The following ROBO1 variants were observed in gnomAD, a reference collection of about 807,000 sequenced individuals.
ROBO1 encodes roundabout guidance receptor 1, also known as roundabout homolog 1.
In ROBO1, 149 loss-of-function variants were observed where a neutral mutation model predicts 195.9. The observed-to-expected ratio is 0.76, with a 90% CI of 0.67 to 0.87. The LOEUF (loss-of-function observed/expected upper bound fraction) is 0.87. Among genes scored for constraint, ROBO1 ranks in the 40% least tolerant of loss-of-function variants. ROBO1 has a pLI of 0.00. For missense variants in ROBO1, 1,933 were observed against 2,068.3 expected (o/e 0.93, Z 1.27); for synonymous variants, 816 against 733.2 (o/e 1.11, Z -1.82).
At chr3:79,333,911 A>G (rs2034551369) in intron 2 of ROBO1, among the ~76,000 whole-genome samples, 1 of 152,200 alleles carries the variant, frequency 6.6e-6, no homozygotes, top group Non-Finnish European at 1.5e-5. Flanking sequence ...TGCCTAACAC[A>G]TGATAAAATG....
intron 2 of ROBO1, among the ~76,000 whole-genome samples, chr3:79,541,640 G>T (rs577520352): frequency 1.3e-5 from 2 of 152,042 alleles, no homozygotes; most frequent in East Asian, 1.9e-4. Context: ...TCAACTTTCT[G>T]TGGCCCTACC....
At chr3:79,262,773 A>G (rs2082964862) in intron 2 of ROBO1, among the ~76,000 whole-genome samples, 1 of 152,092 alleles carries the variant, frequency 6.6e-6, no homozygotes, top group African/African-American at 2.4e-5. Flanking sequence ...AAAAATAAGT[A>G]TCGACAGAAT....
chr3:78,598,801 A>ATT lies in ROBO1; in HGVS notation c.*110_*111dup, dbSNP rs1702991694. The ATT allele has an allele frequency of 1.5e-6, 1 of 650,026 alleles. No individual in the cohort carries two copies. Among genetic ancestry groups the ATT allele is most frequent in the Admixed American group, 2.7e-5 (1 of 37,360 alleles). The allele number at this position is 650,026 out of a possible 1,614,324, so 40.3% of individuals were successfully genotyped here. A position where few individuals can be genotyped will look rare whatever the true frequency, so the allele number is the denominator to read the frequency against. On this transcript the variant is annotated 3_prime_UTR_variant, in exon 31 of 31. Coordinates refer to ENST00000464233, the MANE Select transcript of ROBO1 (RefSeq NM_002941.4). The stretch of plus-strand genomic sequence containing the variant: ...CCCAATAAGAGGAATAAAAACGACA[A>ATT]TTTGTACACTCTGATTGCACTGAAC...
At position 79,367,790 on chromosome 3, in the gene ROBO1, C is replaced by T. The variant is rs192168326; in HGVS notation, c.88+222034G>A. On this transcript the variant is annotated intron_variant, in intron 2 of 30. Coordinates refer to ENST00000464233, the MANE Select transcript of ROBO1 (RefSeq NM_002941.4). ...TCTCACAATTTGTAATTAAGTATTA[C>T]GAGTTTCGTAGCTTAATATCATTTT... Among the ~76,000 whole-genome samples the T allele has an allele frequency of 6.6e-5, 10 of 152,204 alleles. No homozygotes were observed. In the South Asian group the frequency reaches 8.3e-4, roughly 13 times the overall value.
chr3:79,334,790 A>C (rs2034598193), intron 2 of ROBO1, among the ~76,000 whole-genome samples: 1 of 151,704 alleles, frequency 6.6e-6, no homozygotes, highest in Non-Finnish European at 1.5e-5. Flanking sequence ...AAATTTCTGG[A>C]TCTGCTTTTA....
chr3:78,984,397 G>T (rs2077060278), intron 3 of ROBO1, among the ~76,000 whole-genome samples: 1 of 152,138 alleles, frequency 6.6e-6, no homozygotes, highest in Non-Finnish European at 1.5e-5. Flanking sequence ...GAAGGTAGAT[G>T]AAGGGAGAGA....
chr3:78,768,472 A>G (rs2083284242), intron 4 of ROBO1, among the ~76,000 whole-genome samples: 1 of 152,100 alleles, frequency 6.6e-6, no homozygotes, highest in South Asian at 2.1e-4. Flanking sequence ...AGAAAAAGAA[A>G]AAAAATACAT....
At chr3:79,455,605 G>A (rs78786242) in intron 2 of ROBO1, among the ~76,000 whole-genome samples, 5,223 of 152,028 alleles carry the variant, frequency 0.034, 208 homozygotes, top group African/African-American at 0.098. Context: ...GTCATTTTCC[G>A]CATTTTGATT....
At chr3:79,026,782 A>C (rs2078210587) in intron 3 of ROBO1, among the ~76,000 whole-genome samples, 1 of 152,092 alleles carries the variant, frequency 6.6e-6, no homozygotes, top group Admixed American at 6.5e-5. Flanking sequence ...ACAGCTGCAC[A>C]GCTGAATGAC....
At chr3:78,682,787 T>G (rs2080957252) in intron 10 of ROBO1, among the ~76,000 whole-genome samples, 1 of 149,470 alleles carries the variant, frequency 6.7e-6, no homozygotes, top group South Asian at 2.1e-4. Flanking sequence ...TATAATTTTA[T>G]TGTTGAATTG....
chr3:79,013,364 T>G (rs538625805), intron 3 of ROBO1, among the ~76,000 whole-genome samples: 1 of 152,198 alleles, frequency 6.6e-6, no homozygotes, highest in African/African-American at 2.4e-5. Flanking sequence ...CTTTTAAGCA[T>G]GCCAGAAAAT....
chr3:79,126,632 C>A (rs1461936132), intron 2 of ROBO1, among the ~76,000 whole-genome samples: 2 of 152,276 alleles, frequency 1.3e-5, no homozygotes, highest in East Asian at 1.9e-4. Context: ...TGATGTTCTG[C>A]GGGCTTTCAA....
intron 4 of ROBO1, among the ~76,000 whole-genome samples, chr3:78,934,874 C>T (rs577990550): frequency 1.3e-5 from 2 of 152,020 alleles, no homozygotes; most frequent in East Asian, 3.9e-4. Context: ...TCATCTGAAC[C>T]ATTTTACCCC....
chr3:79,744,530 G>T (rs1703788471), intron 1 of ROBO1, among the ~76,000 whole-genome samples: 2 of 152,134 alleles, frequency 1.3e-5, no homozygotes, highest in Non-Finnish European at 1.5e-5. Context: ...GAACAGGCCA[G>T]AGATCTAGCT....
At chr3:79,184,261 A>G (rs2081396880) in intron 2 of ROBO1, among the ~76,000 whole-genome samples, 1 of 152,134 alleles carries the variant, frequency 6.6e-6, no homozygotes, top group African/African-American at 2.4e-5. Flanking sequence ...GTTTGCTCAC[A>G]TTTGTTCCCT....
rs181500617 is a variant in ROBO1 at position 79,337,011 on chromosome 3, T to C, written c.89-211472A>G. Among the ~76,000 whole-genome samples, 945 of 152,314 alleles carry C rather than the reference T, an allele frequency of 6.2e-3. 14 individuals are homozygous for C. The highest frequency in any genetic ancestry group is 0.022 in the African/African-American group (897 of 41,568). On this transcript the variant is annotated intron_variant, in intron 2 of 30. Transcript: ENST00000464233. ...ACTCTCATGGGGCCTATAGCCCCTT[T>C]GTTTTGTCCAATTTCTCCCATTTGG...
At chr3:78,782,717 A>G (rs2108489449) in intron 4 of ROBO1, among the ~76,000 whole-genome samples, 1 of 152,296 alleles carries the variant, frequency 6.6e-6, no homozygotes, top group Non-Finnish European at 1.5e-5. Context: ...AAACGACAAA[A>G]CAGATATTTT....
chr3:79,622,507 G>C (rs908176176), intron 1 of ROBO1, among the ~76,000 whole-genome samples: 12 of 152,216 alleles, frequency 7.9e-5, no homozygotes, highest in African/African-American at 2.9e-4. Flanking sequence ...GAGCCAGGAA[G>C]GCTGGATGGC....
intron 2 of ROBO1, among the ~76,000 whole-genome samples, chr3:79,549,813 G>A (rs568064530): frequency 8.2e-5 from 12 of 146,534 alleles, no homozygotes; most frequent in African/African-American, 3.3e-4. Flanking sequence ...TAAAAGTAAA[G>A]GGAATCTCAG....
Sources: allele counts gnomAD v4.1 joint callset (sites outside exome capture counted in the v4.1 genomes callset), GRCh38; gene constraint gnomAD v4.1.1; transcripts MANE v1.5; gene names NCBI Gene and HGNC (gene_info 2026-07-23, HGNC 2026-07-21).